The following ARHGAP23 variants were observed in gnomAD, a reference collection of about 807,000 sequenced individuals.
The protein encoded by ARHGAP23 is rho GTPase-activating protein 23.
A neutral mutation model predicts 136.3 loss-of-function variants in ARHGAP23; 34 were observed. That is an observed-to-expected ratio of 0.25 (90% CI 0.19 to 0.33). The LOEUF (loss-of-function observed/expected upper bound fraction) is 0.33, where lower values mean the gene tolerates loss of function less well. Among genes scored for constraint, ARHGAP23 ranks in the 10% least tolerant of loss-of-function variants. The pLI is 1.00. For synonymous variants in ARHGAP23, 832 were observed against 920.5 expected, an observed-to-expected ratio of 0.90 and a Z score of 1.74; for missense variants, 1,808 against 2,139.0, an observed-to-expected ratio of 0.85 and a Z score of 3.05.
At chr17:38,479,224 C>T (rs189088795) in intron 12 of ARHGAP23, among the ~76,000 whole-genome samples, 252 of 152,224 alleles carry the variant, frequency 1.7e-3, no homozygotes, top group Middle Eastern at 6.8e-3. Context: ...TGTTTATTAC[C>T]GAGGAGACTG....
At position 38,510,615 on chromosome 17, in the gene ARHGAP23, T is replaced by G. The variant is rs565878550; in HGVS notation, c.4119T>G (p.Arg1373=). ...ASRPSRMEAL[R]LRLRGTADDM... The stretch of plus-strand genomic sequence containing the variant: ...GGCCCTCGCGCATGGAGGCGCTGCG[T>G]CTAAGGCTCCGCGGCACGGCGGACG... Residue 1373 remains arginine (R), a synonymous_variant, in exon 24 of 24, where the codon CGT becomes CGG. Transcript: ENST00000622683. This position sits in a 1 kb window ranked among gnomAD's most constrained non-coding sequence, Gnocchi z 4.6. The G allele has an allele frequency of 2.8e-5, 37 of 1,340,638 alleles. No individual in the cohort carries two copies. In the South Asian group the frequency reaches 3.2e-4, roughly 12 times the overall value. The allele number at this position is 1,340,638 out of a possible 1,614,324, so 83.0% of individuals were successfully genotyped here.
upstream of ARHGAP23, among the ~76,000 whole-genome samples, chr17:38,427,934 C>G (rs1459376770): frequency 6.6e-6 from 1 of 152,150 alleles, no homozygotes; most frequent in African/African-American, 2.4e-5. Flanking sequence ...TTCTGTCTTC[C>G]CCCCTTTCTG....
intron 1 of ARHGAP23, among the ~76,000 whole-genome samples, chr17:38,429,267 C>G (rs2038634919): frequency 6.6e-6 from 1 of 152,240 alleles, no homozygotes; most frequent in Admixed American, 6.5e-5. Flanking sequence ...TTTCATCTGC[C>G]AGCTGCTGAG....
chr17:38,451,309 C>T (rs183772139), intron 1 of ARHGAP23: 13 of 152,374 alleles, frequency 8.5e-5, no homozygotes, highest in African/African-American at 2.4e-4. Context: ...CTGTTACCTC[C>T]TTGGCTGGGC....
At position 38,440,824 on chromosome 17, in the gene ARHGAP23, C is replaced by T. The variant is rs115213028; in HGVS notation, c.63+12276C>T. On this transcript the variant is annotated intron_variant, in intron 1 of 23. Transcript: ENST00000622683. The stretch of plus-strand genomic sequence containing the variant: ...ATCTAGAGGCCGGGACTGGGGATGT[C>T]GTAATTTCCAGGTGCCCAGCTGTCT... Among the ~76,000 whole-genome samples, 388 of 152,264 alleles carry T rather than the reference C, an allele frequency of 2.5e-3. 1 individual carries two copies. Among genetic ancestry groups the T allele is most frequent in the African/African-American group, 8.2e-3 (342 of 41,550 alleles).
intron 1 of ARHGAP23, 137 bp from the exon 2 acceptor site, chr17:38,457,965 A>T: frequency 1.0e-6 from 1 of 1,002,886 alleles, no homozygotes; most frequent in South Asian, 1.6e-5. Flanking sequence ...GGTCATGGGC[A>T]GGGAGGATGC....
In ARHGAP23 at chr17:38,463,508, G is replaced by T; in HGVS notation, c.483+126G>T. On this transcript the variant is annotated intron_variant, in intron 6 of 23. Coordinates refer to ENST00000622683, the MANE Select transcript of ARHGAP23 (RefSeq NM_001199417.2). ...GACATTGCCCAGTTGGGGATGCCAG[G>T]CCCCTCCCTGGGCTGGGGCTGGTTG... 5 of 1,148,032 alleles carry T rather than the reference G, an allele frequency of 4.4e-6. No homozygotes were observed. The South Asian group carries it at 6.9e-5, about 16-fold the overall frequency. The allele number at this position is 1,148,032 out of a possible 1,614,324, so 71.1% of individuals were successfully genotyped here. A position where few individuals can be genotyped will look rare whatever the true frequency, so the allele number is the denominator to read the frequency against.
At position 38,510,623 on chromosome 17, in the gene ARHGAP23, T is replaced by C; in HGVS notation, c.4127T>C (p.Leu1376Pro). ...PSRMEALRLRLRGTADDMLAV... is the reference protein window; with the variant it reads ...PSRMEALRLRPRGTADDMLAV... ...CGCATGGAGGCGCTGCGTCTAAGGC[T>C]CCGCGGCACGGCGGACGACATGCTC... Residue 1376 changes from leucine to proline, a missense_variant, in exon 24 of 24, where the codon CTC becomes CCC. Transcript: ENST00000622683. This position sits in a 1 kb window ranked among gnomAD's most constrained non-coding sequence, Gnocchi z 4.6. 1.5e-6 allele frequency: 2 copies of C among 1,343,426 alleles called. No individual in the cohort carries two copies. Among genetic ancestry groups the C allele is most frequent in the South Asian group, 1.9e-5 (1 of 52,976 alleles). The allele number at this position is 1,343,426 out of a possible 1,614,324, so 83.2% of individuals were successfully genotyped here.
chr17:38,443,810 C>G (rs1475015373), intron 1 of ARHGAP23, among the ~76,000 whole-genome samples: 1 of 152,160 alleles, frequency 6.6e-6, no homozygotes, highest in Non-Finnish European at 1.5e-5. Flanking sequence ...ATGGTCTTAG[C>G]TTGACTGGGA....
chr17:38,471,102 G>C (rs577826701), intron 10 of ARHGAP23, among the ~76,000 whole-genome samples: 7 of 151,860 alleles, frequency 4.6e-5, no homozygotes, highest in African/African-American at 1.4e-4. Context: ...ACAGGCATGC[G>C]CCACCACACC....
rs1225331583 is a variant in ARHGAP23, at chr17:38,469,907, G to A, written c.1974+3G>A. On this transcript the variant is annotated splice_donor_region_variant and intron_variant, in intron 10 of 23. Transcript: ENST00000622683. ...TCCGGAGCTTCTTCACCGACGGGGT[G>A]AGAGCTGCAAGTGTGTGTGCGTGCG... 2 of 1,551,542 alleles carry A rather than the reference G, an allele frequency of 1.3e-6. No homozygotes were observed. The highest frequency in any genetic ancestry group is 1.7e-6 in the Non-Finnish European group (2 of 1,146,996).
chr17:38,421,979 T>TCCC (rs1486752521), intron 1 of ARHGAP23, among the ~76,000 whole-genome samples: 1 of 152,082 alleles, frequency 6.6e-6, no homozygotes, highest in East Asian at 1.9e-4. Flanking sequence ...CCATGTGCAG[T>TCCC]GATGTGTGGG....
chr17:38,497,365 G>A (rs142098412), intron 20 of ARHGAP23, among the ~76,000 whole-genome samples: 1,605 of 152,328 alleles, frequency 0.011, 12 homozygotes, highest in Non-Finnish European at 0.019. Context: ...GGGCACACTC[G>A]GCTGTCACAG....
chr17:38,467,677 T>C (rs2039645903), intron 7 of ARHGAP23, among the ~76,000 whole-genome samples: 1 of 152,106 alleles, frequency 6.6e-6, no homozygotes, highest in African/African-American at 2.4e-5. Flanking sequence ...GTTCATTCAT[T>C]TGTTCCATCC....
intron 16 of ARHGAP23, among the ~76,000 whole-genome samples, chr17:38,483,796 G>A (rs1419995171): frequency 3.9e-5 from 6 of 152,186 alleles, no homozygotes; most frequent in Non-Finnish European, 8.8e-5. Context: ...GAGGGTTTGA[G>A]TATTGGAGGA....
At chr17:38,450,332 T>C (rs1458648327) in intron 1 of ARHGAP23, 2 of 152,258 alleles carry the variant, frequency 1.3e-5, no homozygotes, top group African/African-American at 4.8e-5. Context: ...AACCCTGGGA[T>C]CTGGTCCCAG....
At chr17:38,432,667 A>G (rs1049548520) in intron 1 of ARHGAP23, among the ~76,000 whole-genome samples, 2 of 151,856 alleles carry the variant, frequency 1.3e-5, no homozygotes, top group Non-Finnish European at 2.9e-5. Context: ...TGACAAGAGC[A>G]AAATGTAGTC....
At chr17:38,421,563 T>C (rs569686047) in intron 1 of ARHGAP23, among the ~76,000 whole-genome samples, 4 of 152,248 alleles carry the variant, frequency 2.6e-5, no homozygotes, top group Non-Finnish European at 5.9e-5. Context: ...AATCCTTTTA[T>C]AGTGCGTGAG....
intron 1 of ARHGAP23, 133 bp from the exon 2 acceptor site, chr17:38,457,969 A>T: frequency 9.5e-7 from 1 of 1,057,352 alleles, no homozygotes. Context: ...ATGGGCAGGG[A>T]GGATGCCTGG....
Sources: allele counts gnomAD v4.1 joint callset (sites outside exome capture counted in the v4.1 genomes callset), GRCh38; gene constraint gnomAD v4.1.1; non-coding constraint Gnocchi (gnomAD v3.1); transcripts MANE v1.5; gene names NCBI Gene and HGNC (gene_info 2026-07-23, HGNC 2026-07-21).